TNS1: variants seen among roughly 807,000 people sequenced by gnomAD.
TNS1 encodes the protein tensin 1.
Under a neutral mutation model 168.6 loss-of-function variants are expected in TNS1, and 62 were observed. The ratio of observed to expected loss-of-function variants is 0.37; its 90% CI spans 0.30 to 0.45. TNS1 has a LOEUF of 0.45. Among genes scored for constraint, TNS1 ranks in the 20% least tolerant of loss-of-function variants. TNS1 has a pLI of 1.00. For missense variants in TNS1, 2,240 were observed against 2,339.4 expected (o/e 0.96, Z 0.88); for synonymous variants, 934 against 933.2 (o/e 1.00, Z -0.02).
chr2:217,832,295 AAGTGTCATGTAACACAC>A (rs1229773488), intron 21 of TNS1, among the ~76,000 whole-genome samples: 15 of 152,102 alleles, frequency 9.9e-5, no homozygotes. Context: ...TCTGGGTTAC[AAGTGTCATGTAACACAC>A]AAGGTCAGAA....
chr2:217,990,420 C>T (rs1372842305), intron 2 of TNS1, among the ~76,000 whole-genome samples: 2 of 148,502 alleles, frequency 1.3e-5, no homozygotes, highest in African/African-American at 4.9e-5. Context: ...ACACCCTGAC[C>T]ACAACCTCCA....
rs183834858 is a variant in TNS1 at position 218,022,487 on chromosome 2, C to T, written c.156+11333G>A. On this transcript the variant is annotated intron_variant, in intron 1 of 1. Transcript: ENST00000649572. ...AAGCTGGGACGTGGACACGCACACA[C>T]GCACGTACACACATACACACACACA... 1.9e-3 allele frequency among the ~76,000 whole-genome samples: 295 copies of T among 152,286 alleles called. 1 individual carries two copies. The highest frequency in any genetic ancestry group is 5.3e-3 in the African/African-American group (219 of 41,554).
intron 18 of TNS1, among the ~76,000 whole-genome samples, chr2:217,878,167 C>T (rs967750520): frequency 2.4e-4 from 36 of 152,238 alleles, no homozygotes; most frequent in African/African-American, 8.7e-4. Context: ...GAACGCCTGC[C>T]TCAGGGCAAG....
At chr2:217,982,470 C>G (rs1474166788) in intron 2 of TNS1, among the ~76,000 whole-genome samples, 1 of 148,864 alleles carries the variant, frequency 6.7e-6, no homozygotes, top group Non-Finnish European at 1.5e-5. Context: ...GTGGCACAAT[C>G]TCAGTTCACT....
At chr2:217,887,962 G>T (rs1951370594) in intron 12 of TNS1, among the ~76,000 whole-genome samples, 1 of 152,196 alleles carries the variant, frequency 6.6e-6, no homozygotes, top group Non-Finnish European at 1.5e-5. Flanking sequence ...GTAGCTCTCT[G>T]AAGAGGGTGG....
intron 19 of TNS1, among the ~76,000 whole-genome samples, chr2:217,839,812 AG>A (rs1945694691): frequency 6.6e-6 from 1 of 152,206 alleles, no homozygotes; most frequent in Non-Finnish European, 1.5e-5. Flanking sequence ...AGGTCCAGGT[AG>A]CAGGGCTGGG....
chr2:217,857,411 G>A lies in TNS1; in HGVS notation c.1430-8324C>T, dbSNP rs531789994. On this transcript the variant is annotated intron_variant, in intron 18 of 32. Coordinates refer to ENST00000682258, the MANE Select transcript of TNS1 (RefSeq NM_001387777.1). ...ATTCAGTGCTCTTGTCCCTAATGCT[G>A]CTTCAAGGTGAAGATGGCTGGGGCT... 5.9e-5 allele frequency among the ~76,000 whole-genome samples: 9 copies of A among 152,270 alleles called. No individual in the cohort carries two copies. In the South Asian group the frequency reaches 1.9e-3, roughly 32 times the overall value.
At chr2:218,031,620 C>A (rs1958901370) in intron 1 of TNS1, among the ~76,000 whole-genome samples, 1 of 152,146 alleles carries the variant, frequency 6.6e-6, no homozygotes, top group South Asian at 2.1e-4. Flanking sequence ...ACATCAGATT[C>A]TCAAAGGGAT....
intron 18 of TNS1, among the ~76,000 whole-genome samples, chr2:217,862,275 G>A (rs1424915): frequency 0.48 from 72,803 of 150,370 alleles, 18,108 homozygotes; most frequent in African/African-American, 0.61. Context: ...CTATTTGGGG[G>A]AAAAAAAAAG....
chr2:217,835,893 C>T, intron 20 of TNS1, 122 bp downstream of exon 20: 3 of 842,940 alleles, frequency 3.6e-6, no homozygotes, highest in Non-Finnish European at 3.7e-6. Context: ...TGGGTGAGGA[C>T]GTAGGGGGAG....
intron 32 of TNS1, among the ~76,000 whole-genome samples, chr2:217,805,503 AC>A (rs1559131920): frequency 0.25 from 5,231 of 20,800 alleles, 162 homozygotes; most frequent in East Asian, 0.36. Context: ...CACCACACAC[AC>A]CACCACACAC....
At chr2:217,949,824 GAGCC>G (rs1222757877) in intron 3 of TNS1, among the ~76,000 whole-genome samples, 1 of 152,182 alleles carries the variant, frequency 6.6e-6, no homozygotes, top group Admixed American at 6.5e-5. Context: ...CTTTATAAAT[GAGCC>G]AGAATTAGCA....
chr2:217,885,250 T>G, intron 15 of TNS1, 86 bp from the exon 16 acceptor site: 3 of 1,575,046 alleles, frequency 1.9e-6, no homozygotes, highest in Non-Finnish European at 2.6e-6. Context: ...CTCCGCTGAC[T>G]GAGCCCCCAA....
In TNS1 at chr2:217,936,952, C is replaced by T. The variant is rs1455464151; in HGVS notation, c.187-16716G>A. The T allele has an allele frequency of 1.1e-5, 5 of 456,652 alleles. No homozygotes were observed. In the East Asian group the frequency reaches 3.5e-4, roughly 32 times the overall value. 28.3% of individuals were successfully genotyped at this position (456,652 alleles called of 1,614,324 possible). On this transcript the variant is annotated intron_variant, in intron 3 of 32. Transcript: ENST00000682258. ...CATGTAGCAGAGCTGGGAGGGAGAC[C>T]CACGCTTGTTATTTCTCCTTACCTG...
chr2:218,020,681 G>A (rs953737471), intron 1 of TNS1, among the ~76,000 whole-genome samples: 1 of 152,226 alleles, frequency 6.6e-6, no homozygotes, highest in Non-Finnish European at 1.5e-5. Context: ...GGGGTTCTGA[G>A]TTAAAGGCCT....
chr2:217,973,010 C>G (rs1033743680), intron 3 of TNS1, among the ~76,000 whole-genome samples: 1 of 151,824 alleles, frequency 6.6e-6, no homozygotes, highest in African/African-American at 2.4e-5. Flanking sequence ...AAGAGAAAAG[C>G]AAAAAGGAAG....
intron 18 of TNS1, among the ~76,000 whole-genome samples, chr2:217,854,726 T>A (rs889866583): frequency 2.0e-5 from 3 of 152,066 alleles, no homozygotes; most frequent in African/African-American, 4.8e-5. Flanking sequence ...TTTTCCCTTA[T>A]CCACACACTC....
intron 5 of TNS1, 145 bp downstream of exon 5, chr2:217,907,065 T>A: frequency 2.0e-6 from 1 of 501,872 alleles, no homozygotes; most frequent in Non-Finnish European, 3.9e-6. Flanking sequence ...GCCCCACTAC[T>A]TCCCTGCAAG....
chr2:217,912,403 C>T (rs980269471), intron 4 of TNS1, among the ~76,000 whole-genome samples: 2 of 151,996 alleles, frequency 1.3e-5, no homozygotes, highest in African/African-American at 4.8e-5. Context: ...CACCCTCCAA[C>T]TCTCCCGACT....
Sources: allele counts gnomAD v4.1 joint callset (sites outside exome capture counted in the v4.1 genomes callset), GRCh38; gene constraint gnomAD v4.1.1; transcripts MANE v1.5; gene names NCBI Gene and HGNC (gene_info 2026-07-23, HGNC 2026-07-21).